PXDNL: variants seen among roughly 807,000 people sequenced by gnomAD.
PXDNL encodes probable oxidoreductase PXDNL.
Under a neutral mutation model 150.8 loss-of-function variants are expected in PXDNL, and 145 were observed. That is an observed-to-expected ratio of 0.96 (90% CI 0.84 to 1.10). The LOEUF (loss-of-function observed/expected upper bound fraction) is 1.10, where lower values mean the gene tolerates loss of function less well. Ranked by LOEUF, PXDNL falls within the 50% of genes least tolerant of loss-of-function variation. PXDNL has a pLI of 0.00. For synonymous variants in PXDNL, 757 were observed against 725.7 expected, an observed-to-expected ratio of 1.04 and a Z score of -0.69; for missense variants, 2,087 against 1,873.9, an observed-to-expected ratio of 1.11 and a Z score of -2.10.
chr8:51,456,580 CAAAT>C (rs1809942184), intron 9 of PXDNL, among the ~76,000 whole-genome samples: 2 of 152,186 alleles, frequency 1.3e-5, no homozygotes, highest in Admixed American at 6.5e-5. Context: ...AACTTACAAT[CAAAT>C]AAATTTTATT....
At chr8:51,544,908 T>TA (rs11392201) in intron 4 of PXDNL, among the ~76,000 whole-genome samples, 29,743 of 152,066 alleles carry the variant, frequency 0.2, 3,566 homozygotes, top group African/African-American at 0.32. Flanking sequence ...AAAGGCAGTA[T>TA]AAAAACAAAC....
At chr8:51,574,233 C>T (rs2130601717) in intron 3 of PXDNL, among the ~76,000 whole-genome samples, 1 of 151,936 alleles carries the variant, frequency 6.6e-6, no homozygotes, top group Non-Finnish European at 1.5e-5. Flanking sequence ...AACACCCAAA[C>T]AGAAACTTTA....
chr8:51,484,793 T>C (rs1296538352), intron 5 of PXDNL, among the ~76,000 whole-genome samples: 1 of 152,196 alleles, frequency 6.6e-6, no homozygotes, highest in Non-Finnish European at 1.5e-5. Flanking sequence ...CATGCTGCCT[T>C]GGCTATACCC....
In PXDNL at chr8:51,383,219, T is replaced by C. The variant is rs147070089; in HGVS notation, c.3558-8488A>G. On this transcript the variant is annotated intron_variant, in intron 17 of 22. Transcript: ENST00000356297. The stretch of plus-strand genomic sequence containing the variant: ...TTTTTAACTTTTTCAATCGTAGACA[T>C]TGTAGCTCTTCTTTTGTGGTTATAA... Among the ~76,000 whole-genome samples, 942 of 152,312 alleles carry C rather than the reference T, an allele frequency of 6.2e-3. 4 individuals are homozygous for C. Among genetic ancestry groups the C allele is most frequent in the Middle Eastern group, 0.034 (10 of 294 alleles).
intron 19 of PXDNL, among the ~76,000 whole-genome samples, chr8:51,352,037 A>G (rs529004171): frequency 4.6e-5 from 7 of 152,136 alleles, no homozygotes; most frequent in African/African-American, 1.7e-4. Flanking sequence ...TCACTGAAGA[A>G]AAGGGATGAC....
At chr8:51,671,330 A>G (rs1815496864) in intron 1 of PXDNL, among the ~76,000 whole-genome samples, 1 of 152,164 alleles carries the variant, frequency 6.6e-6, no homozygotes, top group African/African-American at 2.4e-5. Flanking sequence ...CTTGAAATTC[A>G]TTTTCCCCAA....
chr8:51,360,524 C>A (rs189097148), intron 19 of PXDNL, among the ~76,000 whole-genome samples: 1 of 152,302 alleles, frequency 6.6e-6, no homozygotes, highest in Admixed American at 6.5e-5. Flanking sequence ...CATGCACACA[C>A]CCATATGTGT....
chr8:51,329,285 G>A (rs539937702), intron 21 of PXDNL, among the ~76,000 whole-genome samples: 26 of 152,254 alleles, frequency 1.7e-4, no homozygotes, highest in African/African-American at 6.3e-4. Flanking sequence ...CTCTCTCTGA[G>A]GAAGAATACA....
At chr8:51,526,351 T>C (rs1811770892) in intron 4 of PXDNL, among the ~76,000 whole-genome samples, 2 of 152,202 alleles carry the variant, frequency 1.3e-5, no homozygotes, top group Admixed American at 6.5e-5. Flanking sequence ...TTTTTTCTTT[T>C]TTTTTTAAAT....
intron 2 of PXDNL, among the ~76,000 whole-genome samples, chr8:51,603,931 A>C (rs935497158): frequency 1.3e-5 from 2 of 152,162 alleles, no homozygotes; most frequent in African/African-American, 4.8e-5. Context: ...TACCACAAGT[A>C]ATTACTATCA....
intron 4 of PXDNL, among the ~76,000 whole-genome samples, chr8:51,512,808 C>T (rs889805327): frequency 5.3e-5 from 8 of 152,210 alleles, no homozygotes; most frequent in Non-Finnish European, 1.0e-4. Flanking sequence ...CCCTCCTCCC[C>T]ACCCTGCTTC....
chr8:51,567,534 A>C (rs1023543546), intron 3 of PXDNL, among the ~76,000 whole-genome samples: 1 of 151,646 alleles, frequency 6.6e-6, no homozygotes, highest in Non-Finnish European at 1.5e-5. Flanking sequence ...ATCCCTCAAT[A>C]CTTTTTGTTT....
chr8:51,379,828 TATATG>T (rs1284479372), intron 17 of PXDNL, among the ~76,000 whole-genome samples: 1 of 152,180 alleles, frequency 6.6e-6, no homozygotes, highest in Non-Finnish European at 1.5e-5. Context: ...TTGATTTTCA[TATATG>T]ATATGAGATC....
At chr8:51,675,251 A>T (rs1279365739) in intron 1 of PXDNL, among the ~76,000 whole-genome samples, 1 of 152,162 alleles carries the variant, frequency 6.6e-6, no homozygotes, top group Non-Finnish European at 1.5e-5. Context: ...TTAAGACATG[A>T]TTAGGCCACA....
At chr8:51,472,375 A>T (rs1267925709) in intron 7 of PXDNL, 71 bp from the exon 8 acceptor site, 1 of 1,096,792 alleles carries the variant, frequency 9.1e-7, no homozygotes, top group East Asian at 2.4e-5. Flanking sequence ...GCTGAGAAAG[A>T]GATATAGGCA....
chr8:51,514,597 T>C lies in PXDNL; in HGVS notation c.381-14827A>G, dbSNP rs568439813. 1.4e-4 allele frequency among the ~76,000 whole-genome samples: 21 copies of C among 152,306 alleles called. 1 individual carries two copies. Among genetic ancestry groups the C allele is most frequent in the African/African-American group, 5.1e-4 (21 of 41,578 alleles). On this transcript the variant is annotated intron_variant, in intron 4 of 22. Transcript: ENST00000356297. The stretch of plus-strand genomic sequence containing the variant: ...TACAATCTAAATGCCTTCCAATACA[T>C]AGGACTGACAAAGGAAGGCAGAATA...
At position 51,479,330 on chromosome 8, in the gene PXDNL, C is replaced by T. The variant is rs564074399; in HGVS notation, c.525-4189G>A. On this transcript the variant is annotated intron_variant, in intron 6 of 22. Coordinates refer to ENST00000356297, the MANE Select transcript of PXDNL (RefSeq NM_144651.5). ...TTGCAAATATACAAAGACAGTGACT[C>T]TAACCATAACTGATGTAACAAATCC... Among the ~76,000 whole-genome samples the T allele has an allele frequency of 2.6e-5, 4 of 152,298 alleles. No homozygotes were observed. The South Asian group carries it at 8.3e-4, about 32-fold the overall frequency.
intron 1 of PXDNL, among the ~76,000 whole-genome samples, chr8:51,738,231 G>A (rs768247847): frequency 3.9e-5 from 6 of 152,168 alleles, no homozygotes; most frequent in South Asian, 2.1e-4. Context: ...TGTTTTCAGG[G>A]TTTTGTTTTA....
Position 51,409,106 on chromosome 8 carries a change from G to A in PXDNL, c.2518C>T (p.Pro840Ser), listed in dbSNP as rs762558340. The A allele has an allele frequency of 1.9e-6, 3 of 1,609,032 alleles. No individual in the cohort carries two copies. The highest frequency in any genetic ancestry group is 2.5e-6 in the Non-Finnish European group (3 of 1,179,390). The stretch of plus-strand genomic sequence containing the variant: ...CGGGTGTTCATGGGGAAACAAGGAG[G>A]GTCGTTGGTGCAGACGGAGCTGCAC... ...RPCSSVCTNDPPCFPMNTRHA... is the reference protein window; with the variant it reads ...RPCSSVCTNDSPCFPMNTRHA... The change falls in exon 17 of 23, where the codon CCT (proline) becomes TCT (serine). Residue 840 changes from proline (P) to serine (S), a missense_variant. Transcript: ENST00000356297.
Sources: allele counts gnomAD v4.1 joint callset (sites outside exome capture counted in the v4.1 genomes callset), GRCh38; gene constraint gnomAD v4.1.1; transcripts MANE v1.5; gene names NCBI Gene and HGNC (gene_info 2026-07-23, HGNC 2026-07-21).